DTNA: variants seen among roughly 807,000 people sequenced by gnomAD.
The protein encoded by DTNA is dystrobrevin alpha.
DTNA carries 43 observed loss-of-function variants against 100.7 expected under a neutral mutation model. The observed-to-expected ratio is 0.43, with a 90% CI of 0.33 to 0.55. The LOEUF (loss-of-function observed/expected upper bound fraction) is 0.55. Ranked by LOEUF, DTNA falls within the 20% of genes least tolerant of loss-of-function variation. DTNA has a pLI of 0.04. For synonymous variants in DTNA, 349 were observed against 347.9 expected, an observed-to-expected ratio of 1.00 and a Z score of -0.04; for missense variants, 798 against 953.9, an observed-to-expected ratio of 0.84 and a Z score of 2.15.
At chr18:34,752,136 C>T (rs145180646) in intron 1 of DTNA, among the ~76,000 whole-genome samples, 71 of 152,292 alleles carry the variant, frequency 4.7e-4, no homozygotes, top group African/African-American at 1.5e-3. Flanking sequence ...GCAACAAAAA[C>T]TGACCAAATT....
chr18:34,713,274 G>C (rs983725523), intron 1 of DTNA, among the ~76,000 whole-genome samples: 4 of 151,970 alleles, frequency 2.6e-5, no homozygotes, highest in Non-Finnish European at 4.4e-5. Context: ...ATTACTAATG[G>C]GTAGTATGAT....
intron 1 of DTNA, among the ~76,000 whole-genome samples, chr18:34,651,889 C>A (rs1370707151): frequency 6.6e-6 from 1 of 152,004 alleles, no homozygotes; most frequent in East Asian, 1.9e-4. Context: ...CACAGAGAGA[C>A]CCTGTCTCTG....
chr18:34,720,777 G>A lies in DTNA; in HGVS notation c.-2+10332G>A, dbSNP rs115210059. ...TGTGGTGTGGGAGCTGGGGATGTGG[G>A]GTGGGGAATCTCTCTCTAGAGGTTT... On this transcript the variant is annotated intron_variant, in intron 1 of 22. Coordinates refer to ENST00000444659, the MANE Select transcript of DTNA (RefSeq NM_001386795.1). 7.4e-3 allele frequency among the ~76,000 whole-genome samples: 1,130 copies of A among 152,222 alleles called. 14 individuals carry two copies. The highest frequency in any genetic ancestry group is 0.025 in the African/African-American group (1,055 of 41,522).
In DTNA at chr18:34,696,073, G is replaced by C. The variant is rs188548956; in HGVS notation, c.-1-59903G>C. Among the ~76,000 whole-genome samples the C allele has an allele frequency of 2.9e-4, 44 of 152,310 alleles. 1 individual carries two copies. The highest frequency in any genetic ancestry group is 9.6e-4 in the African/African-American group (40 of 41,572). The stretch of plus-strand genomic sequence containing the variant: ...ACATAAATAATACCTGATAACTTCT[G>C]AAGAAAGCACACACAGCTTGAAGCA... On this transcript the variant is annotated intron_variant, in intron 1 of 19. Transcript: ENST00000283365.
At chr18:34,813,626 G>A (rs1017079450) in intron 6 of DTNA, among the ~76,000 whole-genome samples, 20 of 151,968 alleles carry the variant, frequency 1.3e-4, no homozygotes, top group Non-Finnish European at 2.4e-4. Context: ...AGGCCAAGGC[G>A]GGCGGATCAC....
intron 3 of DTNA, among the ~76,000 whole-genome samples, chr18:34,782,423 A>G (rs533607473): frequency 1.2e-3 from 178 of 152,334 alleles, no homozygotes; most frequent in African/African-American, 4.2e-3. Context: ...GGAATGATAT[A>G]AAACATTCAG....
At chr18:34,593,209 G>A (rs767123920) in intron 1 of DTNA, 4 of 152,208 alleles carry the variant, frequency 2.6e-5, no homozygotes, top group Non-Finnish European at 4.4e-5. Flanking sequence ...ATGTAACAGC[G>A]GAAGCTCAGT....
chr18:34,504,981 A>G (rs2040339549), intron 1 of DTNA, among the ~76,000 whole-genome samples: 1 of 152,030 alleles, frequency 6.6e-6, no homozygotes, highest in Admixed American at 6.6e-5. Flanking sequence ...ACCTTTTGTT[A>G]TTGTCACACA....
At position 34,561,782 on chromosome 18, in the gene DTNA, T is replaced by C. The variant is rs556673058; in HGVS notation, c.-2+68268T>C. Among the ~76,000 whole-genome samples the C allele has an allele frequency of 3.5e-4, 53 of 152,302 alleles. No homozygotes were observed. The East Asian group carries it at 9.8e-3, about 28-fold the overall frequency. On this transcript the variant is annotated intron_variant, in intron 1 of 19. Coordinates refer to the DTNA transcript ENST00000283365. ...GTTAGAGAAAAAGGTTATAAATGGA[T>C]GCTATAGCAACATCCTGGCATAATC...
intron 1 of DTNA, among the ~76,000 whole-genome samples, chr18:34,739,444 T>G (rs1441815477): frequency 1.3e-5 from 2 of 152,202 alleles, no homozygotes; most frequent in Non-Finnish European, 2.9e-5. Flanking sequence ...AGACTATTAA[T>G]GGACCTTGGG....
chr18:34,623,330 C>G, intron 1 of DTNA, among the ~76,000 whole-genome samples: 1 of 152,158 alleles, frequency 6.6e-6, no homozygotes, highest in South Asian at 2.1e-4. Flanking sequence ...ACCTCAGAAG[C>G]AAATCAAGGG....
chr18:34,525,378 A>G (rs553736725), intron 1 of DTNA, among the ~76,000 whole-genome samples: 1 of 152,132 alleles, frequency 6.6e-6, no homozygotes, highest in East Asian at 1.9e-4. Context: ...CTCTCACTGT[A>G]CTTTCTCGCA....
intron 1 of DTNA, among the ~76,000 whole-genome samples, chr18:34,556,627 T>C (rs1180783341): frequency 2.0e-5 from 3 of 152,170 alleles, no homozygotes; most frequent in Non-Finnish European, 1.5e-5. Context: ...CCTTCACTTA[T>C]GAAGCTTAGT....
Position 34,719,910 on chromosome 18 carries a change from A to G in DTNA, c.-2+9465A>G, listed in dbSNP as rs1339568408. Reference sequence around the variant, plus strand: ...TGAAATGTTCTATATACTCATCTACATGGCTCTGACCTTCTGACAGAGAAT... The same window carrying G: ...TGAAATGTTCTATATACTCATCTACGTGGCTCTGACCTTCTGACAGAGAAT... On this transcript the variant is annotated intron_variant, in intron 1 of 22. Coordinates refer to ENST00000444659, the MANE Select transcript of DTNA (RefSeq NM_001386795.1). Among the ~76,000 whole-genome samples the G allele has an allele frequency of 3.3e-5, 5 of 152,314 alleles. No homozygotes were observed. The East Asian group carries it at 9.6e-4, about 29-fold the overall frequency.
intron 3 of DTNA, among the ~76,000 whole-genome samples, chr18:34,785,549 C>G (rs1363130199): frequency 6.6e-6 from 1 of 152,094 alleles, no homozygotes; most frequent in East Asian, 1.9e-4. Context: ...CCTCAGAACT[C>G]TATCAGAAAG....
At position 34,888,923 on chromosome 18, in the gene DTNA, G is replaced by A; in HGVS notation, c.*1189G>A. On this transcript the variant is annotated 3_prime_UTR_variant, in exon 23 of 23. Transcript: ENST00000444659. The stretch of plus-strand genomic sequence containing the variant: ...GGTGTTCTGCATGTAGCCTTCTGTG[G>A]TCATGTGAAAGGAGACAGGCTCTTC... 1 of 985,836 alleles carries A rather than the reference G, an allele frequency of 1.0e-6. No individual in the cohort carries two copies. Among genetic ancestry groups the A allele is most frequent in the Non-Finnish European group, 1.2e-6 (1 of 829,946 alleles). 61.1% of individuals were successfully genotyped at this position (985,836 alleles called of 1,614,324 possible). A position where few individuals can be genotyped will look rare whatever the true frequency, so the allele number is the denominator to read the frequency against.
At chr18:34,858,161 C>T (rs530581645) in intron 15 of DTNA, 124 bp from the exon 16 acceptor site, 20 of 846,946 alleles carry the variant, frequency 2.4e-5, no homozygotes, top group African/African-American at 1.3e-4. Flanking sequence ...TAGGGAAGGT[C>T]GGTTCTGCTC....
At chr18:34,610,019 T>C (rs886683714) in intron 1 of DTNA, among the ~76,000 whole-genome samples, 12 of 149,636 alleles carry the variant, frequency 8.0e-5, no homozygotes, top group Non-Finnish European at 3.0e-5. Flanking sequence ...TTTGCCGAGA[T>C]CTATATATAT....
At chr18:34,763,684 T>G (rs572289290) in intron 2 of DTNA, among the ~76,000 whole-genome samples, 1 of 152,182 alleles carries the variant, frequency 6.6e-6, no homozygotes, top group Non-Finnish European at 1.5e-5. Flanking sequence ...AATAGCTATT[T>G]GGATTAATTT....
Sources: gnomAD v4.1 joint callset for allele counts (sites outside exome capture counted in the v4.1 genomes callset) on GRCh38, gnomAD v4.1.1 for gene constraint, MANE v1.5 for transcripts, NCBI Gene and HGNC (gene_info 2026-07-23, HGNC 2026-07-21) for gene names.